Variants in RASA1 observed in about 807,000 individuals in gnomAD.
The protein encoded by RASA1 is ras GTPase-activating protein 1.
In RASA1, 25 loss-of-function variants were observed where a neutral mutation model predicts 132.2. The observed-to-expected ratio is 0.19, with a 90% CI of 0.14 to 0.26. The LOEUF is 0.26. RASA1 is among the 10% of genes least tolerant of loss of function. RASA1 has a pLI of 1.00. For missense variants in RASA1, 964 were observed against 1,299.2 expected (o/e 0.74, Z 3.97); for synonymous variants, 477 against 449.9 (o/e 1.06, Z -0.76).
chr5:87,312,393 G>A lies in RASA1; in HGVS notation c.540-18955G>A, dbSNP rs187378541. Among the ~76,000 whole-genome samples, 87 of 152,234 alleles carry A rather than the reference G, an allele frequency of 5.7e-4. 1 individual carries two copies. Among genetic ancestry groups the A allele is most frequent in the Admixed American group, 1.4e-3 (21 of 15,302 alleles). On this transcript the variant is annotated intron_variant, in intron 1 of 24. Transcript: ENST00000274376. ...ATTTTTTTTGGAGAATATATTTTAC[G>A]TGAAGAATATGTTATCTGTATTAAC...
chr5:87,301,834 G>C (rs1285067445), intron 1 of RASA1, among the ~76,000 whole-genome samples: 1 of 151,984 alleles, frequency 6.6e-6, no homozygotes, highest in Admixed American at 6.6e-5. Context: ...GTGTTACTTT[G>C]TTATGTTTAT....
chr5:87,369,525 T>A (rs1760771738), intron 11 of RASA1, among the ~76,000 whole-genome samples: 1 of 152,146 alleles, frequency 6.6e-6, no homozygotes, highest in Admixed American at 6.6e-5. Context: ...TTCTAGCAGT[T>A]CAGCTTCAAT....
intron 6 of RASA1, among the ~76,000 whole-genome samples, chr5:87,345,316 T>C (rs536711631): frequency 1.6e-4 from 25 of 152,326 alleles, no homozygotes; most frequent in Non-Finnish European, 3.1e-4. Flanking sequence ...TGCTAAATAA[T>C]CTTGTTCATC....
intron 1 of RASA1, chr5:87,269,286 A>G: frequency 6.5e-7 from 1 of 1,536,490 alleles, no homozygotes; most frequent in Non-Finnish European, 8.7e-7. Flanking sequence ...TTCCAAGTTG[A>G]GGTGGTGTCC....
chr5:87,349,394 C>G, intron 8 of RASA1, 30 bp downstream of exon 8: 2 of 1,607,402 alleles, frequency 1.2e-6, no homozygotes, highest in Non-Finnish European at 1.7e-6. Flanking sequence ...CTATCTTTTA[C>G]TTTTCGCAAA....
chr5:87,290,812 G>A (rs561600375), intron 1 of RASA1, among the ~76,000 whole-genome samples: 2 of 151,990 alleles, frequency 1.3e-5, no homozygotes, highest in Non-Finnish European at 2.9e-5. Context: ...TCTTTCCATG[G>A]TTTGATAGCT....
intron 1 of RASA1, among the ~76,000 whole-genome samples, chr5:87,291,334 A>G (rs1580207088): frequency 6.6e-6 from 1 of 152,170 alleles, no homozygotes; most frequent in East Asian, 1.9e-4. Flanking sequence ...GTTTGAGACC[A>G]GCTTGGCCAA....
rs547157658 is a variant in RASA1, at chr5:87,301,443, C to T, written c.540-29905C>T. On this transcript the variant is annotated intron_variant, in intron 1 of 24. Transcript: ENST00000274376. ...ACCTGTGTAATCCATACTTAAAGAA[C>T]CCCAGAATATTATCAGCATCTTAGA... Among the ~76,000 whole-genome samples the T allele has an allele frequency of 2.0e-5, 3 of 149,902 alleles. No individual in the cohort carries two copies. In the South Asian group the frequency reaches 6.3e-4, roughly 31 times the overall value.
At chr5:87,381,710 T>C (rs1761727909) in intron 20 of RASA1, among the ~76,000 whole-genome samples, 1 of 152,142 alleles carries the variant, frequency 6.6e-6, no homozygotes. Context: ...AGCATAATAT[T>C]CCAGCACAGT....
intron 1 of RASA1, chr5:87,299,730 A>T (rs1755278022): frequency 6.6e-6 from 1 of 152,068 alleles, no homozygotes; most frequent in South Asian, 2.1e-4. Context: ...ATCCTTGAGC[A>T]GGGGTCATAT....
At chr5:87,335,196 G>A (rs1329498108) in intron 4 of RASA1, among the ~76,000 whole-genome samples, 1 of 151,958 alleles carries the variant, frequency 6.6e-6, no homozygotes, top group African/African-American at 2.4e-5. Flanking sequence ...TGTTACTTTT[G>A]TGCACACCAT....
rs773361769 is a variant in RASA1, at chr5:87,380,601, G to C, written c.2690+6G>C. ...ATGAGAACAAGAGTTGTTAGGTAAG[G>C]CTCATCAATTGATTTGTTAAATCAC... On this transcript the variant is annotated splice_donor_region_variant and intron_variant, in intron 20 of 24. Transcript: ENST00000274376. 6.2e-7 allele frequency: 1 copy of C among 1,603,388 alleles called. No individual in the cohort carries two copies. Among genetic ancestry groups the C allele is most frequent in the Non-Finnish European group, 8.5e-7 (1 of 1,170,514 alleles).
At chr5:87,309,917 A>G (rs995952936) in intron 1 of RASA1, among the ~76,000 whole-genome samples, 1 of 152,058 alleles carries the variant, frequency 6.6e-6, no homozygotes, top group African/African-American at 2.4e-5. Flanking sequence ...TATGCTTTCT[A>G]TTATACATTA....
chr5:87,324,637 A>G (rs561234429), intron 1 of RASA1, among the ~76,000 whole-genome samples: 4 of 152,324 alleles, frequency 2.6e-5, no homozygotes, highest in African/African-American at 9.6e-5. Context: ...ATAAATACAT[A>G]CACACATGCA....
chr5:87,280,386 C>T (rs980468942), intron 1 of RASA1, among the ~76,000 whole-genome samples: 1 of 152,008 alleles, frequency 6.6e-6, no homozygotes, highest in Admixed American at 6.6e-5. Context: ...AATAATGGCT[C>T]ATTACAACTT....
At chr5:87,280,782 A>C (rs6874846) in intron 1 of RASA1, among the ~76,000 whole-genome samples, 1 of 151,632 alleles carries the variant, frequency 6.6e-6, no homozygotes, top group Admixed American at 6.6e-5. Context: ...TTTGAGACAG[A>C]GTCTCACTCT....
chr5:87,325,238 G>A (rs1486552123), intron 1 of RASA1, among the ~76,000 whole-genome samples: 1 of 152,088 alleles, frequency 6.6e-6, no homozygotes, highest in East Asian at 1.9e-4. Context: ...CAGCAGCATG[G>A]GGGTAACTGC....
chr5:87,376,894 A>T lies in RASA1; in HGVS notation c.2198A>T (p.Lys733Met). 6.2e-7 allele frequency: 1 copy of T among 1,607,236 alleles called. No homozygotes were observed. Residue 733 changes from lysine (K) to methionine (M), a missense_variant, in exon 17 of 25, where the codon AAG (lysine) becomes ATG (methionine). By Grantham distance (95) the Lys-to-Met change is moderately conservative (BLOSUM62 -1). Coordinates refer to ENST00000274376, the MANE Select transcript of RASA1 (RefSeq NM_002890.3). ...YSEFKELILQ[K>M]ELHVVYALSH... is the part of the protein sequence containing the mutation. Reference sequence around the variant, plus strand: ...ATGTCATTTTAGCTTATACTGCAAAAGGAACTTCATGTAGTCTATGCTTTA... The same window carrying T: ...ATGTCATTTTAGCTTATACTGCAAATGGAACTTCATGTAGTCTATGCTTTA...
At chr5:87,291,091 T>G (rs1285326074) in intron 1 of RASA1, among the ~76,000 whole-genome samples, 1 of 152,252 alleles carries the variant, frequency 6.6e-6, no homozygotes, top group Non-Finnish European at 1.5e-5. Flanking sequence ...GAGTTCCTGT[T>G]GCTCTACATT....
Sources: gnomAD v4.1 joint callset for allele counts (sites outside exome capture counted in the v4.1 genomes callset) on GRCh38, gnomAD v4.1.1 for gene constraint, MANE v1.5 for transcripts, NCBI Gene and HGNC (gene_info 2026-07-23, HGNC 2026-07-21) for gene names.